Variants in LOC400499 observed in about 807,000 individuals in gnomAD.
At chr16:11,500,511 A>AAGTAAT in the LOC400499 span, among the ~76,000 whole-genome samples, 2 of 143,882 alleles carry the variant, frequency 1.4e-5, no homozygotes, top group Non-Finnish European at 3.0e-5. Flanking sequence ...ACTCCGTCCT[A>AAGTAAT]AATAATAATA....
chr16:11,479,390 A>G, the LOC400499 span, among the ~76,000 whole-genome samples: 3 of 151,958 alleles, frequency 2.0e-5, no homozygotes, highest in African/African-American at 7.3e-5. Flanking sequence ...AGAAAAGAGG[A>G]TCGCTTGAGG....
chr16:11,466,940 T>A, the LOC400499 span, among the ~76,000 whole-genome samples: 2 of 149,078 alleles, frequency 1.3e-5, no homozygotes, highest in South Asian at 4.3e-4. Flanking sequence ...TGTGTGTGTA[T>A]GCACGCACAC....
At chr16:11,476,479 A>G in the LOC400499 span, among the ~76,000 whole-genome samples, 1 of 151,968 alleles carries the variant, frequency 6.6e-6, no homozygotes, top group Non-Finnish European at 1.5e-5. Context: ...ACGCACTCCC[A>G]CAACACACTC....
At chr16:11,441,670 A>G in the LOC400499 span, among the ~76,000 whole-genome samples, 2 of 152,206 alleles carry the variant, frequency 1.3e-5, no homozygotes, top group Non-Finnish European at 1.5e-5. Context: ...CAGGGGTCCT[A>G]TGAGACGGAG....
At chr16:11,485,651 C>A in the LOC400499 span, among the ~76,000 whole-genome samples, 1 of 152,142 alleles carries the variant, frequency 6.6e-6, no homozygotes, top group Non-Finnish European at 1.5e-5. Context: ...CTTTTCTTTC[C>A]TTTGTTCTAT....
chr16:11,421,324 G>C, the LOC400499 span, among the ~76,000 whole-genome samples: 1 of 152,134 alleles, frequency 6.6e-6, no homozygotes, highest in Non-Finnish European at 1.5e-5. Flanking sequence ...CCAGGGTCTA[G>C]TCAACCCTAG....
At chr16:11,501,417 G>C in the LOC400499 span, among the ~76,000 whole-genome samples, 2 of 152,262 alleles carry the variant, frequency 1.3e-5, no homozygotes, top group Non-Finnish European at 2.9e-5. Context: ...CAGTGCAGTG[G>C]TGCGATCACA....
the LOC400499 span, among the ~76,000 whole-genome samples, chr16:11,503,168 G>C: frequency 6.6e-6 from 1 of 151,954 alleles, no homozygotes; most frequent in African/African-American, 2.4e-5. Context: ...TCCCACCTTG[G>C]CCTCCCCAAG....
At chr16:11,463,998 T>C in the LOC400499 span, among the ~76,000 whole-genome samples, 1 of 152,200 alleles carries the variant, frequency 6.6e-6, no homozygotes, top group Non-Finnish European at 1.5e-5. Flanking sequence ...TGTATATGAA[T>C]GTGCATACAG....
the LOC400499 span, among the ~76,000 whole-genome samples, chr16:11,497,931 C>G: frequency 0.035 from 5,403 of 152,266 alleles, 130 homozygotes; most frequent in Non-Finnish European, 0.052. Flanking sequence ...TTAAAATACT[C>G]ACTTTTTCAT....
chr16:11,431,051 CCTT>C, the LOC400499 span: 6 of 398,982 alleles, frequency 1.5e-5, no homozygotes, highest in Non-Finnish European at 2.2e-5. Context: ...TGAAGTGTCT[CCTT>C]CTGCTTCAGC....
At chr16:11,506,318 C>A in the LOC400499 span, among the ~76,000 whole-genome samples, 1 of 152,234 alleles carries the variant, frequency 6.6e-6, no homozygotes, top group African/African-American at 2.4e-5. Context: ...AGCCACTGAG[C>A]CTGGCCACAA....
chr16:11,428,726 G>A, the LOC400499 span, among the ~76,000 whole-genome samples: 1 of 152,084 alleles, frequency 6.6e-6, no homozygotes. Context: ...TCCTGGGAAC[G>A]CAGCCCAGTA....
the LOC400499 span, among the ~76,000 whole-genome samples, chr16:11,406,466 CTT>C: frequency 6.6e-6 from 1 of 152,208 alleles, no homozygotes; most frequent in Non-Finnish European, 1.5e-5. Flanking sequence ...GAGTTTCACT[CTT>C]GTCACCCAGG....
the LOC400499 span, among the ~76,000 whole-genome samples, chr16:11,406,885 T>G: frequency 6.6e-6 from 1 of 152,138 alleles, no homozygotes; most frequent in African/African-American, 2.4e-5. Flanking sequence ...TAGTACTATC[T>G]GGCATATTTC....
the LOC400499 span, among the ~76,000 whole-genome samples, chr16:11,423,764 A>C: frequency 6.6e-6 from 1 of 152,178 alleles, no homozygotes; most frequent in Non-Finnish European, 1.5e-5. Context: ...TAGGGGCCCC[A>C]GGGAGGAACT....
the LOC400499 span, among the ~76,000 whole-genome samples, chr16:11,506,256 C>T: frequency 6.6e-6 from 1 of 152,092 alleles, no homozygotes; most frequent in East Asian, 1.9e-4. Context: ...AACTCCTGAC[C>T]TCAGGTGATC....
the LOC400499 span, among the ~76,000 whole-genome samples, chr16:11,409,875 C>CAT: frequency 0.34 from 51,170 of 151,940 alleles, 8,848 homozygotes; most frequent in South Asian, 0.38. Context: ...ATTTATGTAA[C>CAT]AGATAAGAAA....
chr16:11,491,924 G>A, the LOC400499 span: 27 of 397,016 alleles, frequency 6.8e-5, no homozygotes, highest in Admixed American at 7.5e-4. Context: ...GGCTGCAGCA[G>A]GTGGACCTGC....
Sources: allele counts gnomAD v4.1 joint callset (sites outside exome capture counted in the v4.1 genomes callset), GRCh38; gene constraint gnomAD v4.1.1; transcripts MANE v1.5.